The following EDNRB variants were observed in gnomAD, a reference collection of about 807,000 sequenced individuals.
EDNRB encodes the protein endothelin receptor type B, also known as Hirschsprung disease 2.
Under a neutral mutation model 46.4 loss-of-function variants are expected in EDNRB, and 18 were observed. The ratio of observed to expected loss-of-function variants is 0.39; its 90% CI spans 0.27 to 0.57. EDNRB has a LOEUF of 0.57. Ranked by LOEUF, EDNRB falls within the 20% of genes least tolerant of loss-of-function variation. The pLI is 0.61. For missense variants in EDNRB, 434 were observed against 537.5 expected, an observed-to-expected ratio of 0.81 and a Z score of 1.90; for synonymous variants, 213 against 204.9, an observed-to-expected ratio of 1.04 and a Z score of -0.34.
chr13:77,965,073 C>A (rs144115291), intron 1 of EDNRB, among the ~76,000 whole-genome samples: 146 of 152,306 alleles, frequency 9.6e-4, no homozygotes, highest in African/African-American at 3.4e-3. Flanking sequence ...TAGCCCTCTT[C>A]TGATAATCTG....
chr13:77,924,979 T>G (rs144283810), intron 1 of EDNRB, among the ~76,000 whole-genome samples: 28 of 152,220 alleles, frequency 1.8e-4, no homozygotes, highest in Non-Finnish European at 3.8e-4. Context: ...TTCTTTCTTT[T>G]GTAAATTACC....
At chr13:77,907,129 T>G (rs1237176317) in intron 1 of EDNRB, among the ~76,000 whole-genome samples, 1 of 152,010 alleles carries the variant, frequency 6.6e-6, no homozygotes, top group East Asian at 1.9e-4. Context: ...TGTGTTAACT[T>G]GACCAGCCAC....
At chr13:77,950,964 G>T (rs1881073900) in intron 1 of EDNRB, among the ~76,000 whole-genome samples, 1 of 152,160 alleles carries the variant, frequency 6.6e-6, no homozygotes, top group Non-Finnish European at 1.5e-5. Flanking sequence ...CACTGGCCAA[G>T]TTCCACTAAA....
chr13:77,947,298 T>G (rs1040181743), intron 1 of EDNRB, among the ~76,000 whole-genome samples: 1 of 151,900 alleles, frequency 6.6e-6, no homozygotes, highest in African/African-American at 2.4e-5. Context: ...CATCTGTTTT[T>G]TTTTTTTTTC....
intron 1 of EDNRB, 89 bp from the exon 2 acceptor site, chr13:77,903,696 G>T: frequency 1.8e-6 from 2 of 1,100,428 alleles, no homozygotes; most frequent in Non-Finnish European, 1.4e-6. Flanking sequence ...TTAACATGCA[G>T]AGTAGGATAA....
At chr13:77,961,549 G>A (rs1013088931) in intron 1 of EDNRB, among the ~76,000 whole-genome samples, 2 of 152,176 alleles carry the variant, frequency 1.3e-5, no homozygotes, top group Admixed American at 6.5e-5. Flanking sequence ...ATAACGAAAT[G>A]AAGGCAGAAA....
At chr13:77,949,808 A>C (rs1163676501) in intron 1 of EDNRB, among the ~76,000 whole-genome samples, 1 of 152,146 alleles carries the variant, frequency 6.6e-6, no homozygotes, top group Admixed American at 6.6e-5. Context: ...GCCTCAACTA[A>C]ATGCCCTTGA....
chr13:77,899,784 G>T, intron 6 of EDNRB, 75 bp downstream of exon 6: 2 of 1,075,610 alleles, frequency 1.9e-6, no homozygotes, highest in East Asian at 4.8e-5. Flanking sequence ...TGTCTGGATA[G>T]ATATATTAGC....
chr13:77,961,344 A>G (rs1406062341), intron 1 of EDNRB, among the ~76,000 whole-genome samples: 1 of 152,150 alleles, frequency 6.6e-6, no homozygotes, highest in Admixed American at 6.5e-5. Flanking sequence ...AACAGAATAT[A>G]CTTTCTTCTC....
At chr13:77,900,375 AG>A in intron 5 of EDNRB, 145 bp downstream of exon 5, 1 of 1,107,288 alleles carries the variant, frequency 9.0e-7, no homozygotes, top group Non-Finnish European at 1.3e-6. Flanking sequence ...CCCTCTCAAC[AG>A]GACCTCAGAT....
At chr13:77,945,700 G>A (rs749627010) in intron 1 of EDNRB, among the ~76,000 whole-genome samples, 1 of 152,070 alleles carries the variant, frequency 6.6e-6, no homozygotes, top group East Asian at 1.9e-4. Context: ...TAAAAATAAG[G>A]ACACTAGAAA....
At chr13:77,920,127 G>A (rs1305086682), upstream of EDNRB, among the ~76,000 whole-genome samples, 3 of 151,986 alleles carry the variant, frequency 2.0e-5, no homozygotes, top group Non-Finnish European at 4.4e-5. Flanking sequence ...CTCTCTTCCT[G>A]CCACAGTATC....
In EDNRB at chr13:77,931,137, G is replaced by A. The variant is rs974630219; in HGVS notation, c.-51-12513C>T. Among the ~76,000 whole-genome samples the A allele has an allele frequency of 5.9e-5, 9 of 152,152 alleles. No homozygotes were observed. The South Asian group carries it at 6.2e-4, about 11-fold the overall frequency. On this transcript the variant is annotated intron_variant, in intron 1 of 7. Transcript: ENST00000646948. ...TTCAGCCTGTTTTACTAAAGCCATC[G>A]TGTAAGGCCAGATTTCTATTTTTTT... is the stretch of plus-strand genomic sequence containing the variant.
intron 1 of EDNRB, among the ~76,000 whole-genome samples, chr13:77,944,086 G>A (rs1243958671): frequency 1.3e-5 from 2 of 151,980 alleles, no homozygotes; most frequent in Non-Finnish European, 2.9e-5. Context: ...ACATTCTGGA[G>A]GACAAATTGC....
chr13:77,963,833 A>C (rs1344495590), intron 1 of EDNRB, among the ~76,000 whole-genome samples: 1 of 152,246 alleles, frequency 6.6e-6, no homozygotes, highest in Non-Finnish European at 1.5e-5. Flanking sequence ...GTAAACAGGC[A>C]ACCTACAGAA....
chr13:77,940,659 T>G (rs1880716588), intron 1 of EDNRB, among the ~76,000 whole-genome samples: 1 of 152,018 alleles, frequency 6.6e-6, no homozygotes, highest in African/African-American at 2.4e-5. Flanking sequence ...CAGATTAGTT[T>G]GTCAGAAAAT....
At chr13:77,964,951 AC>A (rs368536069) in intron 1 of EDNRB, among the ~76,000 whole-genome samples, 133 of 152,330 alleles carry the variant, frequency 8.7e-4, no homozygotes, top group African/African-American at 3.2e-3. Context: ...GAAAAGGAGC[AC>A]TTGATGAGAG....
At chr13:77,906,215 G>T (rs1456920389) in intron 1 of EDNRB, among the ~76,000 whole-genome samples, 1 of 151,662 alleles carries the variant, frequency 6.6e-6, no homozygotes, top group African/African-American at 2.4e-5. Context: ...ACTGAAATGG[G>T]GGAGACTCAG....
chr13:77,929,850 T>C (rs1055104726), intron 1 of EDNRB, among the ~76,000 whole-genome samples: 14 of 152,298 alleles, frequency 9.2e-5, no homozygotes, highest in Middle Eastern at 3.4e-3. Flanking sequence ...AGTGTCTCCA[T>C]TGTGAGATTT....
Sources: allele counts gnomAD v4.1 joint callset (sites outside exome capture counted in the v4.1 genomes callset), GRCh38; gene constraint gnomAD v4.1.1; transcripts MANE v1.5; gene names NCBI Gene and HGNC (gene_info 2026-07-23, HGNC 2026-07-21).